GLIS1: variants seen among roughly 807,000 people sequenced by gnomAD.
GLIS1 encodes GLIS family zinc finger 1, also known as zinc finger protein GLIS1.
In GLIS1, 24 loss-of-function variants were observed where a neutral mutation model predicts 63.8. The observed-to-expected ratio is 0.38, with a 90% confidence interval of 0.27 to 0.53. The LOEUF is 0.53. Ranked by LOEUF, GLIS1 falls within the 20% of genes least tolerant of loss-of-function variation. The probability of loss-of-function intolerance (pLI) is 0.85; values close to 1 mark genes in which losing one functional copy is unlikely to be tolerated. For missense variants in GLIS1, 1,036 were observed against 1,074.1 expected (o/e 0.96, Z 0.50); for synonymous variants, 450 against 482.5 (o/e 0.93, Z 0.88).
At chr1:53,524,668 T>C (rs749362020) in intron 6 of GLIS1, 109 bp downstream of exon 6, 14 of 753,156 alleles carry the variant, frequency 1.9e-5, no homozygotes, top group Non-Finnish European at 3.0e-5. Flanking sequence ...AACAGTGGCA[T>C]ACAGGGCGAG....
At chr1:53,663,433 C>A (rs17109064) in intron 2 of GLIS1, among the ~76,000 whole-genome samples, 2,386 of 152,306 alleles carry the variant, frequency 0.016, 46 homozygotes, top group African/African-American at 0.053. Flanking sequence ...TGAGCACTTT[C>A]CGTGAGTTAT....
At chr1:53,632,818 G>A (rs1270376336) in intron 2 of GLIS1, among the ~76,000 whole-genome samples, 13 of 147,844 alleles carry the variant, frequency 8.8e-5, no homozygotes, top group Non-Finnish European at 1.9e-4. Flanking sequence ...TGAGAGAGGT[G>A]TATGAATGAG....
chr1:53,715,204 C>T (rs1363036800), intron 2 of GLIS1, among the ~76,000 whole-genome samples: 9 of 152,190 alleles, frequency 5.9e-5, no homozygotes, highest in South Asian at 2.1e-4. Flanking sequence ...GTGTGAGCCC[C>T]GTGCCTGGCC....
Position 53,697,777 on chromosome 1 carries a change from G to A in GLIS1, c.259+40029C>T, listed in dbSNP as rs141102671. Reference sequence around the variant, plus strand: ...ATCCTAGCAACAACCTAGGAGGTAAGTGCTACTACACTTTTACTGATTATT... The same window carrying A: ...ATCCTAGCAACAACCTAGGAGGTAAATGCTACTACACTTTTACTGATTATT... On this transcript the variant is annotated intron_variant, in intron 2 of 10. Transcript: ENST00000628545. Among the ~76,000 whole-genome samples, 1,153 of 152,306 alleles carry A rather than the reference G, an allele frequency of 7.6e-3. 13 individuals carry two copies. The highest frequency in any genetic ancestry group is 0.011 in the Non-Finnish European group (754 of 68,018).
chr1:53,657,477 G>A lies in GLIS1; in HGVS notation c.260-57199C>T, dbSNP rs186881948. Among the ~76,000 whole-genome samples, 53 of 152,318 alleles carry A rather than the reference G, an allele frequency of 3.5e-4. No homozygotes were observed. In the Middle Eastern group the frequency reaches 0.01, roughly 29 times the overall value. ...GCCTGTGACTGCTTTGGCGGATGGAGCAGAATGTGGAAGGAGCACTGTGCC... is the reference window on the plus strand; with the variant it reads ...GCCTGTGACTGCTTTGGCGGATGGAACAGAATGTGGAAGGAGCACTGTGCC... On this transcript the variant is annotated intron_variant, in intron 2 of 10. Transcript: ENST00000628545.
chr1:53,553,447 T>C (rs1313390638), intron 4 of GLIS1, among the ~76,000 whole-genome samples: 2 of 150,862 alleles, frequency 1.3e-5, no homozygotes, highest in South Asian at 2.1e-4. Flanking sequence ...CTCAAATGCC[T>C]CCAAGAAGCT....
chr1:53,589,390 G>A (rs1645166775), intron 4 of GLIS1, among the ~76,000 whole-genome samples: 1 of 152,182 alleles, frequency 6.6e-6, no homozygotes, highest in Non-Finnish European at 1.5e-5. Context: ...CCAGGATTTT[G>A]TTTCTCAGGG....
chr1:53,597,176 TAAAAAAAAAAAAAAAAAAA>T (rs57607550), intron 3 of GLIS1, among the ~76,000 whole-genome samples: 7 of 19,312 alleles, frequency 3.6e-4, no homozygotes, highest in South Asian at 0.01. Flanking sequence ...CTGTCTCTAC[TAAAAAAAAAAAAAAAAAAA>T]AAAAAAAAAA....
intron 2 of GLIS1, among the ~76,000 whole-genome samples, chr1:53,683,741 T>C (rs1399408100): frequency 6.6e-6 from 1 of 152,056 alleles, no homozygotes; most frequent in Non-Finnish European, 1.5e-5. Context: ...CAGCACTGAA[T>C]TGGGTACCCT....
intron 4 of GLIS1, among the ~76,000 whole-genome samples, chr1:53,580,982 C>T (rs1487223947): frequency 6.6e-6 from 1 of 151,926 alleles, no homozygotes; most frequent in African/African-American, 2.4e-5. Flanking sequence ...ATGTGGAGGA[C>T]TTGATCGTAA....
chr1:53,699,942 T>C (rs567160559), intron 2 of GLIS1, among the ~76,000 whole-genome samples: 1 of 152,272 alleles, frequency 6.6e-6, no homozygotes, highest in African/African-American at 2.4e-5. Context: ...GGTTTCATCA[T>C]ATGAACTGAG....
intron 2 of GLIS1, among the ~76,000 whole-genome samples, chr1:53,622,826 T>C (rs1645559803): frequency 6.6e-6 from 1 of 152,212 alleles, no homozygotes. Flanking sequence ...AGAGGATAAA[T>C]ATCTGTTGTT....
At chr1:53,658,042 A>G (rs1645985779) in intron 2 of GLIS1, among the ~76,000 whole-genome samples, 2 of 152,064 alleles carry the variant, frequency 1.3e-5, no homozygotes, top group Admixed American at 1.3e-4. Flanking sequence ...TCACCCCTCC[A>G]GCCACCGCAC....
At chr1:53,548,234 C>T (rs1344463669) in intron 4 of GLIS1, among the ~76,000 whole-genome samples, 1 of 152,200 alleles carries the variant, frequency 6.6e-6, no homozygotes, top group African/African-American at 2.4e-5. Flanking sequence ...GAAGGTGGGG[C>T]TCAGGTGGGT....
intron 2 of GLIS1, among the ~76,000 whole-genome samples, chr1:53,692,326 C>A (rs1462794756): frequency 6.6e-6 from 1 of 152,146 alleles, no homozygotes; most frequent in Non-Finnish European, 1.5e-5. Flanking sequence ...CTCCCCACTG[C>A]CTGAAGAGTA....
At chr1:53,543,773 T>A (rs1439781632) in intron 4 of GLIS1, among the ~76,000 whole-genome samples, 1 of 151,862 alleles carries the variant, frequency 6.6e-6, no homozygotes, top group Non-Finnish European at 1.5e-5. Flanking sequence ...ACCCCTCACC[T>A]GCATCTCGGA....
At chr1:53,538,199 A>G (rs771715247) in intron 4 of GLIS1, among the ~76,000 whole-genome samples, 1 of 152,026 alleles carries the variant, frequency 6.6e-6, no homozygotes, top group Non-Finnish European at 1.5e-5. Context: ...GACAGACGGG[A>G]GGAGGGTCCT....
rs569083105 is a variant in GLIS1, at chr1:53,533,734, T to C, written c.1321-3782A>G. 7.9e-5 allele frequency among the ~76,000 whole-genome samples: 12 copies of C among 151,148 alleles called. No homozygotes were observed. In the East Asian group the frequency reaches 2.3e-3, roughly 29 times the overall value. On this transcript the variant is annotated intron_variant, in intron 4 of 10. Transcript: ENST00000628545. The stretch of plus-strand genomic sequence containing the variant: ...ACACGCCAGGGGCCTTGAGGGCCTA[T>C]GGGATCTGCCTGCAGCTGGCTGCCA...
intron 2 of GLIS1, among the ~76,000 whole-genome samples, chr1:53,732,816 T>C (rs1010713292): frequency 6.9e-6 from 1 of 143,950 alleles, no homozygotes; most frequent in African/African-American, 2.6e-5. Context: ...AAAAAAAAAA[T>C]AACAAACCAC....
Sources: allele counts gnomAD v4.1 joint callset (sites outside exome capture counted in the v4.1 genomes callset), GRCh38; gene constraint gnomAD v4.1.1; transcripts MANE v1.5; gene names NCBI Gene and HGNC (gene_info 2026-07-23, HGNC 2026-07-21).